The following DGKD variants were observed in gnomAD, a reference collection of about 807,000 sequenced individuals.
DGKD encodes the protein diacylglycerol kinase delta, also known as DAG kinase delta.
In DGKD, 68 loss-of-function variants were observed where a neutral mutation model predicts 154.4. That is an observed-to-expected ratio of 0.44 (90% CI 0.36 to 0.54). The LOEUF (loss-of-function observed/expected upper bound fraction) is 0.54, where lower values mean the gene tolerates loss of function less well. Among genes scored for constraint, DGKD ranks in the 20% least tolerant of loss-of-function variants. The pLI is 0.00. For missense variants in DGKD, 1,343 were observed against 1,593.6 expected (o/e 0.84, Z 2.68); for synonymous variants, 693 against 638.0 (o/e 1.09, Z -1.30).
At chr2:233,466,367 C>A (rs2063822870) in intron 27 of DGKD, among the ~76,000 whole-genome samples, 1 of 151,596 alleles carries the variant, frequency 6.6e-6, no homozygotes, top group Non-Finnish European at 1.5e-5. Context: ...TTATTGGGTA[C>A]CCATAGGTTT....
rs561429887 is a variant in DGKD at position 233,451,865 on chromosome 2, G to A, written c.2168-99G>A. Reference sequence around the variant, plus strand: ...TTTAGAAACATTTAATTATAATAACGTTCTGCAGAATACCGGTCCACCAGC... The same window carrying A: ...TTTAGAAACATTTAATTATAATAACATTCTGCAGAATACCGGTCCACCAGC... On this transcript the variant is annotated intron_variant, in intron 17 of 29. Transcript: ENST00000264057. The A allele has an allele frequency of 1.4e-5, 14 of 985,186 alleles. No homozygotes were observed. The South Asian group carries it at 1.6e-4, about 11-fold the overall frequency. The allele number at this position is 985,186 out of a possible 1,614,324, so 61.0% of individuals were successfully genotyped here. A position where few individuals can be genotyped will look rare whatever the true frequency, so the allele number is the denominator to read the frequency against.
chr2:233,408,497 C>G (rs1056922537), intron 3 of DGKD, among the ~76,000 whole-genome samples: 1 of 152,212 alleles, frequency 6.6e-6, no homozygotes, highest in Admixed American at 6.5e-5. Context: ...GCCCCACGTT[C>G]GTTAGCAGCT....
Position 233,437,486 on chromosome 2 carries a change from A to G in DGKD, c.922+7A>G, listed in dbSNP as rs770307616. 2.3e-5 allele frequency: 37 copies of G among 1,613,174 alleles called. No individual in the cohort carries two copies. The highest frequency in any genetic ancestry group is 1.5e-4 in the South Asian group (14 of 90,922). ...AACAGCATCGACTCCGATGGTGGGT[A>G]CCACACATGCTTATCCTTCTCATGC... On this transcript the variant is annotated splice_region_variant and intron_variant, in intron 8 of 29. Transcript: ENST00000264057.
intron 10 of DGKD, among the ~76,000 whole-genome samples, chr2:233,444,965 A>G (rs1186615104): frequency 1.3e-5 from 2 of 151,960 alleles, no homozygotes; most frequent in Non-Finnish European, 2.9e-5. Context: ...CTCCTAAGCA[A>G]TGGAATGGTG....
At chr2:233,439,273 G>C (rs1303573082) in intron 9 of DGKD, among the ~76,000 whole-genome samples, 1 of 152,196 alleles carries the variant, frequency 6.6e-6, no homozygotes, top group African/African-American at 2.4e-5. Context: ...AGTGGGGTCT[G>C]TGTATTAGGA....
chr2:233,402,224 C>G (rs1484434715), intron 3 of DGKD, among the ~76,000 whole-genome samples: 2 of 152,204 alleles, frequency 1.3e-5, no homozygotes, highest in African/African-American at 4.8e-5. Context: ...CTGTGGTTCT[C>G]AAACTTGGCC....
At chr2:233,436,995 C>G (rs972626723) in intron 7 of DGKD, among the ~76,000 whole-genome samples, 1 of 152,184 alleles carries the variant, frequency 6.6e-6, no homozygotes, top group Non-Finnish European at 1.5e-5. Flanking sequence ...TTGCCTAGCA[C>G]ATCTGGCTGC....
chr2:233,425,498 T>C (rs1326283738), intron 3 of DGKD, among the ~76,000 whole-genome samples: 1 of 152,220 alleles, frequency 6.6e-6, no homozygotes, highest in Admixed American at 6.5e-5. Flanking sequence ...ACTTTATTCT[T>C]TTTTAATAGC....
rs1472869714 is a variant in DGKD, at chr2:233,449,415, C to A, written c.1888+39C>A. ...TGATGAGGAGGGGCTTTCCTCAGGCCAGCACTGGGCATGCCCAGCGTCCCC... is the reference window on the plus strand; with the variant it reads ...TGATGAGGAGGGGCTTTCCTCAGGCAAGCACTGGGCATGCCCAGCGTCCCC... On this transcript the variant is annotated intron_variant, in intron 15 of 29. Transcript: ENST00000264057. This position sits in a 1 kb window ranked among gnomAD's most constrained non-coding sequence, Gnocchi z 5.3. The A allele has an allele frequency of 6.4e-7, 1 of 1,562,202 alleles. No individual in the cohort carries two copies. Among genetic ancestry groups the A allele is most frequent in the Admixed American group, 1.7e-5 (1 of 57,158 alleles).
intron 1 of DGKD, among the ~76,000 whole-genome samples, chr2:233,376,263 A>G (rs942268627): frequency 6.6e-6 from 1 of 152,254 alleles, no homozygotes; most frequent in Admixed American, 6.5e-5. Flanking sequence ...AAAAATAATG[A>G]AAAGTAAATC....
At chr2:233,401,835 A>C (rs1230318700) in intron 3 of DGKD, among the ~76,000 whole-genome samples, 1 of 144,982 alleles carries the variant, frequency 6.9e-6, no homozygotes, top group Non-Finnish European at 1.5e-5. Context: ...CACAAGAATC[A>C]CTTGAACCCG....
Position 233,462,625 on chromosome 2 carries a change from T to G in DGKD, c.3094-18T>G. The G allele has an allele frequency of 6.2e-7, 1 of 1,612,336 alleles. No homozygotes were observed. Among genetic ancestry groups the G allele is most frequent in the Non-Finnish European group, 8.5e-7 (1 of 1,178,410 alleles). ...TTCGGCCCCCCGCCCCCATGCATAT[T>G]TGCCTGGTTTCTTCTAGGGGCTCAA... On this transcript the variant is annotated intron_variant, in intron 25 of 29. Coordinates refer to ENST00000264057, the MANE Select transcript of DGKD (RefSeq NM_152879.3).
intron 3 of DGKD, among the ~76,000 whole-genome samples, chr2:233,408,042 CTGTT>C (rs1206424695): frequency 4.1e-5 from 6 of 147,076 alleles, no homozygotes; most frequent in African/African-American, 1.5e-4. Flanking sequence ...AGAGGAAAAA[CTGTT>C]TTTTTTTTTT....
chr2:233,390,238 G>A (rs934882771), intron 2 of DGKD, among the ~76,000 whole-genome samples, 165 bp from the exon 3 acceptor site: 3 of 152,154 alleles, frequency 2.0e-5, no homozygotes, highest in Non-Finnish European at 2.9e-5. Flanking sequence ...GCAGGTGGGT[G>A]GGTTAATTTG....
chr2:233,469,308 C>T, intron 29 of DGKD, 63 bp from the exon 30 acceptor site: 2 of 1,432,336 alleles, frequency 1.4e-6, no homozygotes, highest in Non-Finnish European at 1.9e-6. Context: ...GGCAGGCCTG[C>T]TGTGGAGCCC....
At chr2:233,391,143 C>G (rs908952195) in intron 3 of DGKD, among the ~76,000 whole-genome samples, 8 of 151,830 alleles carry the variant, frequency 5.3e-5, no homozygotes, top group Non-Finnish European at 1.2e-4. Context: ...CCATAACAGC[C>G]ACCTCAAAAA....
intron 3 of DGKD, among the ~76,000 whole-genome samples, chr2:233,395,644 T>C (rs991204964): frequency 6.8e-6 from 1 of 147,008 alleles, no homozygotes; most frequent in African/African-American, 2.5e-5. Flanking sequence ...TTTTCTATCT[T>C]CCTTTCTTTC....
At chr2:233,359,715 T>C (rs145561593) in intron 1 of DGKD, among the ~76,000 whole-genome samples, 3,643 of 152,344 alleles carry the variant, frequency 0.024, 61 homozygotes, top group South Asian at 0.038. Context: ...ACTGGTTCAG[T>C]TTAACAGCAA....
chr2:233,403,830 C>T (rs543492892), intron 3 of DGKD, among the ~76,000 whole-genome samples: 3 of 151,960 alleles, frequency 2.0e-5, no homozygotes, highest in East Asian at 2.0e-4. Context: ...TTAGTAGAGA[C>T]GGGGTTTCAC....
Sources: allele counts gnomAD v4.1 joint callset (sites outside exome capture counted in the v4.1 genomes callset), GRCh38; gene constraint gnomAD v4.1.1; non-coding constraint Gnocchi (gnomAD v3.1); transcripts MANE v1.5; gene names NCBI Gene and HGNC (gene_info 2026-07-23, HGNC 2026-07-21).